MYO18B: variants seen among roughly 807,000 people sequenced by gnomAD.
The protein encoded by MYO18B is myosin XVIIIB.
A neutral mutation model predicts 273.0 loss-of-function variants in MYO18B; 204 were observed. The ratio of observed to expected loss-of-function variants is 0.75; its 90% CI spans 0.67 to 0.84. The LOEUF (loss-of-function observed/expected upper bound fraction) is 0.84. Ranked by LOEUF, MYO18B falls within the 40% of genes least tolerant of loss-of-function variation. MYO18B has a pLI of 0.00. For synonymous variants in MYO18B, 1,330 were observed against 1,305.7 expected (o/e 1.02, Z -0.40); for missense variants, 3,212 against 3,287.6 (o/e 0.98, Z 0.56).
intron 33 of MYO18B, among the ~76,000 whole-genome samples, chr22:25,914,381 C>G (rs966110910): frequency 1.6e-4 from 24 of 152,046 alleles, no homozygotes; most frequent in Non-Finnish European, 4.4e-5. Context: ...ATGCCCTCTC[C>G]ATTTATTTGT....
Position 25,883,997 on chromosome 22 carries a change from A to T in MYO18B, c.4314+5949A>T, listed in dbSNP as rs7287246. 0.41 allele frequency among the ~76,000 whole-genome samples: 62,812 copies of T among 151,912 alleles called. 13,796 individuals are homozygous for T. The highest frequency in any genetic ancestry group is 0.53 in the African/African-American group (21,980 of 41,388). On this transcript the variant is annotated intron_variant, in intron 25 of 43. Coordinates refer to ENST00000335473, the MANE Select transcript of MYO18B (RefSeq NM_032608.7). This position sits in a 1 kb window ranked among gnomAD's most constrained non-coding sequence, Gnocchi z 7.6. Reference sequence around the variant, plus strand: ...AGGTTTTGGGACCACATGGGATATAAAATGAGGTGGGGTGTTTTTCCACCC... The same window carrying T: ...AGGTTTTGGGACCACATGGGATATATAATGAGGTGGGGTGTTTTTCCACCC...
chr22:25,843,418 T>C (rs1232295991), intron 17 of MYO18B, among the ~76,000 whole-genome samples: 1 of 152,170 alleles, frequency 6.6e-6, no homozygotes, highest in Non-Finnish European at 1.5e-5. Context: ...GTAAGTCGAT[T>C]TAAAGAAAAC....
chr22:26,038,439 C>G, the MYO18B span, among the ~76,000 whole-genome samples: 1 of 152,110 alleles, frequency 6.6e-6, no homozygotes, highest in Non-Finnish European at 1.5e-5. Context: ...TTCTCAGGTT[C>G]TCTTGGTATC....
At chr22:26,041,690 G>A in the MYO18B span, among the ~76,000 whole-genome samples, 1 of 152,190 alleles carries the variant, frequency 6.6e-6, no homozygotes, top group Admixed American at 6.5e-5. Context: ...CGGAATTAGG[G>A]AGACCAGTTT....
At position 25,770,101 on chromosome 22, in the gene MYO18B, G is replaced by T. The variant is rs367783521; in HGVS notation, c.1513-9G>T. On this transcript the variant is annotated splice_polypyrimidine_tract_variant and intron_variant, in intron 4 of 43. Transcript: ENST00000335473. Reference sequence around the variant, plus strand: ...TTGCTGGTTTAATTTACGTGATGTTGGTTCTCAGGCTCCTGAGGACAGATG... The same window carrying T: ...TTGCTGGTTTAATTTACGTGATGTTTGTTCTCAGGCTCCTGAGGACAGATG... 1.1e-5 allele frequency: 17 copies of T among 1,613,546 alleles called. No homozygotes were observed. Among genetic ancestry groups the T allele is most frequent in the Admixed American group, 3.3e-5 (2 of 59,988 alleles).
In MYO18B at chr22:25,855,285, C is replaced by CCTTT. The variant is rs369450575; in HGVS notation, c.3885+3706_3885+3707insCTTT. ...TTTCTGCAAAGGACGTTATCTCATT[C>CCTTT]TTTTTTTTTTTTTTTTGAGATGGAG... On this transcript the variant is annotated intron_variant, in intron 21 of 43. Coordinates refer to ENST00000335473, the MANE Select transcript of MYO18B (RefSeq NM_032608.7). Among the ~76,000 whole-genome samples, 35 of 132,328 alleles carry CCTTT rather than the reference C, an allele frequency of 2.6e-4. 2 individuals carry two copies. Among genetic ancestry groups the CCTTT allele is most frequent in the Admixed American group, 2.4e-3 (30 of 12,666 alleles). The allele number at this position is 132,328 out of a possible 152,430, so 86.8% of individuals were successfully genotyped here. A position where few individuals can be genotyped will look rare whatever the true frequency, so the allele number is the denominator to read the frequency against.
intron 21 of MYO18B, among the ~76,000 whole-genome samples, chr22:25,857,762 T>C (rs1409942489): frequency 1.3e-5 from 2 of 152,230 alleles, no homozygotes; most frequent in Non-Finnish European, 1.5e-5. Context: ...CAAGTGATTC[T>C]CCTGCCTCAG....
At chr22:25,947,126 C>T (rs1229571622) in intron 35 of MYO18B, among the ~76,000 whole-genome samples, 3 of 152,138 alleles carry the variant, frequency 2.0e-5, no homozygotes, top group Non-Finnish European at 4.4e-5. Context: ...CACACACACA[C>T]ATACACATAC....
the MYO18B span, among the ~76,000 whole-genome samples, chr22:26,059,797 C>A: frequency 1.3e-5 from 2 of 152,304 alleles, 1 homozygote. Context: ...TCAAAATCAA[C>A]CCCCTGTTGT....
intron 27 of MYO18B, 77 bp downstream of exon 27, chr22:25,891,489 G>A (rs550015571): frequency 2.0e-6 from 2 of 975,846 alleles, no homozygotes; most frequent in African/African-American, 1.6e-5. Flanking sequence ...CACTCATAGA[G>A]CACTTTTTAG....
chr22:25,785,375 C>A, intron 10 of MYO18B, 53 bp from the exon 11 acceptor site: 1 of 1,530,734 alleles, frequency 6.5e-7, no homozygotes. Flanking sequence ...ACCTGCCCTG[C>A]CAGGGCTGGT....
At chr22:26,051,758 A>C in the MYO18B span, among the ~76,000 whole-genome samples, 1 of 152,202 alleles carries the variant, frequency 6.6e-6, no homozygotes, top group African/African-American at 2.4e-5. Flanking sequence ...GACAAGCAGG[A>C]ATATAAAATG....
chr22:25,927,566 C>T (rs189447246), intron 34 of MYO18B, among the ~76,000 whole-genome samples: 8 of 151,878 alleles, frequency 5.3e-5, no homozygotes, highest in African/African-American at 1.7e-4. Flanking sequence ...AATTTCGCCT[C>T]GGTCCTGTGG....
chr22:26,060,884 TACACATATAC>T, the MYO18B span, among the ~76,000 whole-genome samples: 4 of 102,936 alleles, frequency 3.9e-5, no homozygotes, highest in African/African-American at 3.4e-4. Flanking sequence ...GTTTTACATA[TACACATATAC>T]ACACATATAC....
intron 39 of MYO18B, among the ~76,000 whole-genome samples, chr22:25,980,400 G>T (rs889971172): frequency 6.6e-6 from 1 of 152,226 alleles, no homozygotes; most frequent in Non-Finnish European, 1.5e-5. Context: ...AGAAGCAGGT[G>T]CCTGGAGCAG....
At chr22:26,001,461 A>G (rs1229928461) in intron 40 of MYO18B, among the ~76,000 whole-genome samples, 1 of 152,218 alleles carries the variant, frequency 6.6e-6, no homozygotes, top group Non-Finnish European at 1.5e-5. Flanking sequence ...GAGAAGCCTG[A>G]TAGGAGGAGC....
chr22:25,894,263 T>C (rs2091741036), intron 27 of MYO18B, among the ~76,000 whole-genome samples: 1 of 149,628 alleles, frequency 6.7e-6, no homozygotes, highest in African/African-American at 2.4e-5. Flanking sequence ...TGGCTTCTTA[T>C]TCATTTCATT....
In MYO18B at chr22:26,026,983, A is replaced by C; in HGVS notation, c.7009A>C (p.Thr2337Pro). ...KCISSDGVGG[T>P]TLLPEKSKTQ... ...CATCTCTTCAGACGGTGTTGGGGGC[A>C]CAACCCTACTCCCCGAAAAGTCGAA... Residue 2337 changes from threonine (T) to proline (P), a missense_variant, in exon 43 of 44, where the codon ACA (threonine) becomes CCA (proline). By Grantham distance (38) the Thr-to-Pro change is conservative (BLOSUM62 -1). Transcript: ENST00000335473. 3 of 1,613,946 alleles carry C rather than the reference A, an allele frequency of 1.9e-6. No homozygotes were observed. Among genetic ancestry groups the C allele is most frequent in the Non-Finnish European group, 2.5e-6 (3 of 1,179,892 alleles).
intron 42 of MYO18B, among the ~76,000 whole-genome samples, chr22:26,007,653 A>T (rs755406003): frequency 2.6e-5 from 4 of 152,222 alleles, no homozygotes; most frequent in Admixed American, 1.3e-4. Context: ...TGAGGACTCA[A>T]GGCATTCTGA....
Sources: allele counts gnomAD v4.1 joint callset (sites outside exome capture counted in the v4.1 genomes callset), GRCh38; gene constraint gnomAD v4.1.1; non-coding constraint Gnocchi (gnomAD v3.1); transcripts MANE v1.5; gene names NCBI Gene and HGNC (gene_info 2026-07-23, HGNC 2026-07-21).